The following PLCG2 variants were observed in gnomAD, a reference collection of about 807,000 sequenced individuals.
The protein encoded by PLCG2 is 1-phosphatidylinositol 4,5-bisphosphate phosphodiesterase gamma-2.
PLCG2 carries 69 observed loss-of-function variants against 175.6 expected under a neutral mutation model. That is an observed-to-expected ratio of 0.39 (90% confidence interval 0.32 to 0.48). The LOEUF (loss-of-function observed/expected upper bound fraction) is 0.48. Ranked by LOEUF, PLCG2 falls within the 20% of genes least tolerant of loss-of-function variation. PLCG2 has a pLI of 0.91. For missense variants in PLCG2, 1,798 were observed against 1,650.9 expected, an observed-to-expected ratio of 1.09 and a Z score of -1.54; for synonymous variants, 827 against 624.0, an observed-to-expected ratio of 1.33 and a Z score of -4.85.
At chr16:81,822,105 T>A (rs778600272) in intron 2 of PLCG2, among the ~76,000 whole-genome samples, 6 of 152,220 alleles carry the variant, frequency 3.9e-5, no homozygotes, top group Non-Finnish European at 7.3e-5. Flanking sequence ...TCTTCCTTTT[T>A]CAATTTTATC....
At chr16:81,799,057 G>C (rs1911603145) in intron 2 of PLCG2, 1 of 152,274 alleles carries the variant, frequency 6.6e-6, no homozygotes, top group African/African-American at 2.4e-5. Context: ...GGCGCAGAGT[G>C]AACGTTACGC....
rs191557937 is a variant in PLCG2, at chr16:81,746,215, T to G, written c.-145+6830T>G. Among the ~76,000 whole-genome samples, 588 of 152,290 alleles carry G rather than the reference T, an allele frequency of 3.9e-3. 4 individuals are homozygous for G. Among genetic ancestry groups the G allele is most frequent in the African/African-American group, 0.013 (560 of 41,560 alleles). Reference sequence around the variant, plus strand: ...GCTGGATAAAGGGAGGTAGAAACGCTTTCAGCCCTCCCCGGTGCTTCCCGG... The same window carrying G: ...GCTGGATAAAGGGAGGTAGAAACGCGTTCAGCCCTCCCCGGTGCTTCCCGG... On this transcript the variant is annotated intron_variant, in intron 1 of 5. Coordinates refer to the PLCG2 transcript ENST00000565054.
At chr16:81,927,320 T>C (rs1366126623) in intron 23 of PLCG2, 142 bp downstream of exon 23, 3 of 632,656 alleles carry the variant, frequency 4.7e-6, no homozygotes, top group African/African-American at 3.7e-5. Context: ...GAAGACACAG[T>C]GATGATAGGG....
intron 1 of PLCG2, among the ~76,000 whole-genome samples, chr16:81,780,073 G>A (rs775602943): frequency 1.9e-4 from 29 of 152,264 alleles, no homozygotes; most frequent in African/African-American, 6.0e-4. Flanking sequence ...TGGACGGGGA[G>A]CTCCTGGATT....
chr16:81,800,625 T>C (rs150400678), intron 2 of PLCG2, among the ~76,000 whole-genome samples: 1 of 152,282 alleles, frequency 6.6e-6, no homozygotes, highest in East Asian at 1.9e-4. Context: ...TTGATGGGCA[T>C]TTGGGTTGAT....
At chr16:81,832,453 G>A (rs1414365495) in intron 2 of PLCG2, among the ~76,000 whole-genome samples, 1 of 152,206 alleles carries the variant, frequency 6.6e-6, no homozygotes, top group Non-Finnish European at 1.5e-5. Context: ...GCAGTGGCAT[G>A]ATCACGGCTC....
intron 5 of PLCG2, among the ~76,000 whole-genome samples, chr16:81,860,492 C>T (rs991893114): frequency 6.6e-6 from 1 of 151,952 alleles, no homozygotes; most frequent in African/African-American, 2.4e-5. Context: ...ATATTTCTAC[C>T]AGTGGGGCAA....
At chr16:81,784,086 A>G (rs1472485074) in intron 1 of PLCG2, among the ~76,000 whole-genome samples, 1 of 152,072 alleles carries the variant, frequency 6.6e-6, no homozygotes, top group African/African-American at 2.4e-5. Context: ...TTCTCAGTTG[A>G]TTAGTCTGTT....
chr16:81,877,883 T>A (rs1907882417), intron 7 of PLCG2, among the ~76,000 whole-genome samples: 1 of 151,812 alleles, frequency 6.6e-6, no homozygotes, highest in Admixed American at 6.6e-5. Context: ...GGCTTGTAGA[T>A]GTCATTGTGC....
intron 2 of PLCG2, among the ~76,000 whole-genome samples, chr16:81,830,017 A>T (rs1470287724): frequency 6.6e-6 from 1 of 151,856 alleles, no homozygotes; most frequent in Non-Finnish European, 1.5e-5. Context: ...CAAGGAGTGG[A>T]GAGATTAAAT....
rs547592899 is a variant in PLCG2 at position 81,802,516 on chromosome 16, C to T, written c.193+16334C>T. Among the ~76,000 whole-genome samples the T allele has an allele frequency of 3.9e-5, 6 of 152,234 alleles. 1 individual carries two copies. Among genetic ancestry groups the T allele is most frequent in the African/African-American group, 1.4e-4 (6 of 41,538 alleles). The stretch of plus-strand genomic sequence containing the variant: ...GTGATATTGAATGTGTAACTGCTAC[C>T]TTGACCTACCACCTTCTCTTGATGA... On this transcript the variant is annotated intron_variant, in intron 2 of 32. Coordinates refer to ENST00000564138, the MANE Select transcript of PLCG2 (RefSeq NM_002661.5).
intron 27 of PLCG2, among the ~76,000 whole-genome samples, chr16:81,936,588 G>C (rs1910723269): frequency 6.6e-6 from 1 of 152,154 alleles, no homozygotes; most frequent in African/African-American, 2.4e-5. Context: ...GCTTACGCAG[G>C]CTTCGTGATT....
intron 7 of PLCG2, among the ~76,000 whole-genome samples, chr16:81,880,171 A>G (rs186384814): frequency 1.3e-5 from 2 of 152,250 alleles, no homozygotes; most frequent in African/African-American, 4.8e-5. Flanking sequence ...AGCTCAGGAG[A>G]GTGAGGCTGT....
Position 81,860,971 on chromosome 16 carries a change from C to T in PLCG2, c.479+1808C>T, listed in dbSNP as rs112196117. 5.5e-3 allele frequency among the ~76,000 whole-genome samples: 832 copies of T among 151,818 alleles called. 9 individuals carry two copies. Among genetic ancestry groups the T allele is most frequent in the African/African-American group, 0.02 (810 of 41,388 alleles). On this transcript the variant is annotated intron_variant, in intron 5 of 32. Coordinates refer to ENST00000564138, the MANE Select transcript of PLCG2 (RefSeq NM_002661.5). ...TGGCCTGGGTGACAGAGCAAGACTC[C>T]GTCTCAAAAAAGCAAAACAAAACCA... is the stretch of plus-strand genomic sequence containing the variant.
At chr16:81,792,440 C>T (rs1173465256) in intron 2 of PLCG2, among the ~76,000 whole-genome samples, 1 of 133,208 alleles carries the variant, frequency 7.5e-6, no homozygotes, top group Non-Finnish European at 1.5e-5. Flanking sequence ...GAGATCACTC[C>T]ACTGCACTCC....
intron 14 of PLCG2, among the ~76,000 whole-genome samples, chr16:81,904,989 G>A (rs1909304670): frequency 1.3e-5 from 2 of 152,212 alleles, no homozygotes; most frequent in South Asian, 4.1e-4. Flanking sequence ...CCAGGTTCAA[G>A]CAATCTTACT....
intron 30 of PLCG2, among the ~76,000 whole-genome samples, chr16:81,943,119 T>A (rs1435300735): frequency 1.3e-5 from 2 of 152,118 alleles, no homozygotes; most frequent in African/African-American, 4.8e-5. Flanking sequence ...CCTGATAGCC[T>A]CCCGGAATGC....
intron 1 of PLCG2, among the ~76,000 whole-genome samples, chr16:81,742,714 G>A (rs1909621785): frequency 6.6e-6 from 1 of 152,162 alleles, no homozygotes; most frequent in Non-Finnish European, 1.5e-5. Flanking sequence ...GTTACCCCAC[G>A]GTGGGTGCTA....
rs191180071 is a variant in PLCG2, at chr16:81,948,684, C to A, written c.3570+2421C>A. Among the ~76,000 whole-genome samples, 218 of 152,256 alleles carry A rather than the reference C, an allele frequency of 1.4e-3. 1 individual carries two copies. The highest frequency in any genetic ancestry group is 6.8e-3 in the Middle Eastern group (2 of 294). The stretch of plus-strand genomic sequence containing the variant: ...GAGGTTGGGAAAGATTTCCTTACAC[C>A]TGGGGAGACCTGGAGGGACACAAAG... On this transcript the variant is annotated intron_variant, in intron 31 of 32. Transcript: ENST00000564138.
Sources: allele counts gnomAD v4.1 joint callset (sites outside exome capture counted in the v4.1 genomes callset), GRCh38; gene constraint gnomAD v4.1.1; transcripts MANE v1.5; gene names NCBI Gene and HGNC (gene_info 2026-07-23, HGNC 2026-07-21).